The following DAB1 variants were observed in gnomAD, a reference collection of about 807,000 sequenced individuals.
The protein encoded by DAB1 is disabled homolog 1.
Under a neutral mutation model 64.6 loss-of-function variants are expected in DAB1, and 15 were observed. That is an observed-to-expected ratio of 0.23 (90% CI 0.16 to 0.36). The LOEUF (loss-of-function observed/expected upper bound fraction) is 0.36. Among genes scored for constraint, DAB1 ranks in the 10% least tolerant of loss-of-function variants. The pLI, the probability that DAB1 is intolerant of heterozygous loss-of-function variation, is 1.00. For missense variants in DAB1, 596 were observed against 706.7 expected, an observed-to-expected ratio of 0.84 and a Z score of 1.78; for synonymous variants, 235 against 251.9, an observed-to-expected ratio of 0.93 and a Z score of 0.64.
At chr1:58,307,574 C>A (rs370442902) in intron 4 of DAB1, among the ~76,000 whole-genome samples, 2 of 152,030 alleles carry the variant, frequency 1.3e-5, no homozygotes, top group African/African-American at 2.4e-5. Flanking sequence ...CCAGGTGGCA[C>A]GCCAGGAGCC....
At chr1:58,230,877 G>C (rs931234403) in intron 4 of DAB1, among the ~76,000 whole-genome samples, 5 of 152,174 alleles carry the variant, frequency 3.3e-5, no homozygotes, top group Non-Finnish European at 7.3e-5. Flanking sequence ...CAGCACCATG[G>C]TTGGCAGTAT....
chr1:57,159,501 G>T (rs1347701381), intron 2 of DAB1, among the ~76,000 whole-genome samples: 3 of 152,098 alleles, frequency 2.0e-5, no homozygotes, highest in Non-Finnish European at 2.9e-5. Context: ...GTTTATGAGG[G>T]CTAACATTTT....
In DAB1 at chr1:58,304,092, A is replaced by G. The variant is rs182805238; in HGVS notation, n.309+39260T>C. 3.2e-3 allele frequency among the ~76,000 whole-genome samples: 493 copies of G among 152,196 alleles called. 1 individual carries two copies. The highest frequency in any genetic ancestry group is 0.011 in the African/African-American group (457 of 41,516). On this transcript the variant is annotated intron_variant and non_coding_transcript_variant, in intron 4 of 20. Transcript: ENST00000485760. Reference sequence around the variant, plus strand: ...ATGCATTCTGGATAAGTACGGGGAAAAATTCATGATTCCAGAGCATATAAG... The same window carrying G: ...ATGCATTCTGGATAAGTACGGGGAAGAATTCATGATTCCAGAGCATATAAG...
At chr1:58,048,349 C>T (rs560955241) in intron 5 of DAB1, 681 of 1,010,286 alleles carry the variant, frequency 6.7e-4, no homozygotes, top group Middle Eastern at 1.5e-3. Context: ...TTTAATTGCC[C>T]AAATCACTGT....
chr1:57,584,317 C>T (rs1321410335), intron 7 of DAB1, among the ~76,000 whole-genome samples: 2 of 152,176 alleles, frequency 1.3e-5, no homozygotes, highest in African/African-American at 4.8e-5. Flanking sequence ...GCCCAATTCA[C>T]AAATTGTTCA....
intron 1 of DAB1, among the ~76,000 whole-genome samples, chr1:57,344,625 A>G (rs1290096011): frequency 6.6e-6 from 1 of 151,818 alleles, no homozygotes; most frequent in East Asian, 2.0e-4. Flanking sequence ...TTCGGCAAAA[A>G]CAAGCAGAAG....
chr1:57,105,802 A>G (rs1365557363), intron 4 of DAB1, among the ~76,000 whole-genome samples: 2 of 151,550 alleles, frequency 1.3e-5, no homozygotes, highest in Non-Finnish European at 2.9e-5. Context: ...TTCCTTTTTT[A>G]TTTTCATGTT....
At chr1:57,164,556 T>C (rs1661054146) in intron 2 of DAB1, among the ~76,000 whole-genome samples, 1 of 151,930 alleles carries the variant, frequency 6.6e-6, no homozygotes, top group Non-Finnish European at 1.5e-5. Context: ...CCTGGGGAAT[T>C]GGGTATTCAA....
intron 3 of DAB1, among the ~76,000 whole-genome samples, chr1:58,438,653 C>T (rs1466177461): frequency 2.6e-5 from 4 of 152,200 alleles, no homozygotes; most frequent in South Asian, 2.1e-4. Flanking sequence ...AGACACCACA[C>T]GTGTACAGAG....
chr1:57,614,432 T>C (rs1461981249), intron 7 of DAB1, among the ~76,000 whole-genome samples: 1 of 152,226 alleles, frequency 6.6e-6, no homozygotes, highest in African/African-American at 2.4e-5. Context: ...CTTAAAGAAA[T>C]GCTTTCAGTT....
At chr1:57,606,618 A>AATATAATATATTATATATT (rs1558535618) in intron 7 of DAB1, among the ~76,000 whole-genome samples, 7 of 119,002 alleles carry the variant, frequency 5.9e-5, no homozygotes, top group African/African-American at 2.1e-4. Context: ...TGAAATATAT[A>AATATAATATATTATATATT]ATATATGAAA....
At chr1:57,030,161 T>A (rs146731250) in intron 9 of DAB1, among the ~76,000 whole-genome samples, 1 of 152,108 alleles carries the variant, frequency 6.6e-6, no homozygotes, top group East Asian at 1.9e-4. Flanking sequence ...ATAAGTCTTA[T>A]GAGATCTGAT....
chr1:58,337,186 G>T (rs1361190458), intron 4 of DAB1, among the ~76,000 whole-genome samples: 1 of 151,132 alleles, frequency 6.6e-6, no homozygotes, highest in East Asian at 1.9e-4. Context: ...GGAGACTAAG[G>T]CAATAGAATC....
At chr1:57,608,895 G>A (rs774654022) in intron 7 of DAB1, among the ~76,000 whole-genome samples, 2 of 152,098 alleles carry the variant, frequency 1.3e-5, no homozygotes, top group African/African-American at 2.4e-5. Context: ...TGTCAAATAG[G>A]GGAAATCGTT....
chr1:58,060,635 C>T (rs917903442), intron 5 of DAB1, among the ~76,000 whole-genome samples: 2 of 152,030 alleles, frequency 1.3e-5, no homozygotes, highest in African/African-American at 2.4e-5. Context: ...GTGGGGTTTT[C>T]GGGGTCTCCT....
At chr1:58,387,493 C>T (rs1376821074) in intron 3 of DAB1, among the ~76,000 whole-genome samples, 1 of 152,078 alleles carries the variant, frequency 6.6e-6, no homozygotes, top group African/African-American at 2.4e-5. Context: ...CCTCTGAGCT[C>T]TTCGGGAGGT....
chr1:57,164,891 A>T (rs1661085455), intron 2 of DAB1, among the ~76,000 whole-genome samples: 2 of 152,168 alleles, frequency 1.3e-5, no homozygotes. Flanking sequence ...GTTACTTGCA[A>T]CTAGAAAACT....
intron 4 of DAB1, among the ~76,000 whole-genome samples, chr1:57,092,732 G>A (rs970233680): frequency 3.3e-5 from 5 of 151,062 alleles, no homozygotes; most frequent in African/African-American, 1.2e-4. Flanking sequence ...GCCCTGAGAG[G>A]GGAAGTGCAG....
At chr1:58,250,591 C>T (rs1397395499) in intron 4 of DAB1, among the ~76,000 whole-genome samples, 2 of 152,264 alleles carry the variant, frequency 1.3e-5, no homozygotes, top group Admixed American at 6.5e-5. Context: ...ATTTCGCCAC[C>T]TAGCGCGGAA....
Sources: gnomAD v4.1 joint callset for allele counts (sites outside exome capture counted in the v4.1 genomes callset) on GRCh38, gnomAD v4.1.1 for gene constraint, MANE v1.5 for transcripts, NCBI Gene and HGNC (gene_info 2026-07-23, HGNC 2026-07-21) for gene names.